The following KHDRBS2 variants were observed in gnomAD, a reference collection of about 807,000 sequenced individuals.
The protein encoded by KHDRBS2 is KH domain-containing, RNA-binding, signal transduction-associated protein 2.
A neutral mutation model predicts 44.3 loss-of-function variants in KHDRBS2; 26 were observed. The observed-to-expected ratio is 0.59, with a 90% CI of 0.43 to 0.81. The LOEUF is 0.81. Ranked by LOEUF, KHDRBS2 falls within the 40% of genes least tolerant of loss-of-function variation. KHDRBS2 has a pLI of 0.00. For synonymous variants in KHDRBS2, 194 were observed against 151.1 expected (o/e 1.28, Z -2.08); for missense variants, 476 against 433.1 (o/e 1.10, Z -0.88).
At chr6:62,218,156 A>C (rs1830328602) in intron 1 of KHDRBS2, among the ~76,000 whole-genome samples, 1 of 151,828 alleles carries the variant, frequency 6.6e-6, no homozygotes, top group Non-Finnish European at 1.5e-5. Context: ...AGAGTAGTCA[A>C]ATGGAAAAAG....
intron 1 of KHDRBS2, among the ~76,000 whole-genome samples, chr6:62,284,698 T>G (rs890915477): frequency 6.6e-6 from 1 of 152,146 alleles, no homozygotes; most frequent in African/African-American, 2.4e-5. Context: ...CCTAATTGTT[T>G]AGTATTTAAA....
chr6:61,864,136 T>TC (rs1797439883), intron 6 of KHDRBS2, among the ~76,000 whole-genome samples: 1 of 151,974 alleles, frequency 6.6e-6, no homozygotes, highest in East Asian at 1.9e-4. Flanking sequence ...TTCCATTTTT[T>TC]CTCCTTCCCT....
At chr6:61,610,297 A>T in the KHDRBS2 span, among the ~76,000 whole-genome samples, 3 of 152,196 alleles carry the variant, frequency 2.0e-5, no homozygotes, top group African/African-American at 7.2e-5. Flanking sequence ...AATCATACCT[A>T]TTTAGCATGG....
the KHDRBS2 span, among the ~76,000 whole-genome samples, chr6:61,645,697 A>G: frequency 2.6e-5 from 4 of 152,176 alleles, no homozygotes; most frequent in African/African-American, 7.2e-5. Flanking sequence ...TGTTGGTCAG[A>G]TACATCTCTG....
chr6:62,263,425 C>T (rs577544437), intron 1 of KHDRBS2, among the ~76,000 whole-genome samples: 9 of 151,558 alleles, frequency 5.9e-5, no homozygotes, highest in Non-Finnish European at 1.3e-4. Context: ...ATAAGAGTTG[C>T]TGCATATTGT....
intron 8 of KHDRBS2, among the ~76,000 whole-genome samples, chr6:61,692,702 C>G (rs1397961337): frequency 6.6e-6 from 1 of 152,066 alleles, no homozygotes; most frequent in Non-Finnish European, 1.5e-5. Context: ...TGGCTTATTT[C>G]AAATCATTTC....
chr6:61,542,897 G>A, the KHDRBS2 span, among the ~76,000 whole-genome samples: 1 of 151,894 alleles, frequency 6.6e-6, no homozygotes, highest in African/African-American at 2.4e-5. Flanking sequence ...ATAAAAAGAA[G>A]ATATGATAAC....
chr6:61,555,034 A>G, the KHDRBS2 span, among the ~76,000 whole-genome samples: 1 of 152,082 alleles, frequency 6.6e-6, no homozygotes, highest in Admixed American at 6.5e-5. Flanking sequence ...CACTTCCTGA[A>G]TTTGAATGTT....
chr6:61,855,490 G>GTA (rs10615944), intron 6 of KHDRBS2, among the ~76,000 whole-genome samples: 23 of 148,994 alleles, frequency 1.5e-4, no homozygotes, highest in East Asian at 6.0e-4. Context: ...GTGTGTATAT[G>GTA]TATATATATA....
intron 1 of KHDRBS2, among the ~76,000 whole-genome samples, chr6:62,206,153 G>T (rs534153661): frequency 5.9e-5 from 9 of 152,194 alleles, no homozygotes; most frequent in Non-Finnish European, 7.4e-5. Flanking sequence ...CTCACTAAAA[G>T]TATCTTCAAC....
chr6:61,795,615 TC>T (rs1785231321), intron 6 of KHDRBS2, among the ~76,000 whole-genome samples: 1 of 152,202 alleles, frequency 6.6e-6, no homozygotes, highest in African/African-American at 2.4e-5. Flanking sequence ...TTATTTCTCT[TC>T]CTTTAATTTC....
At chr6:61,704,228 A>G (rs557891612) in intron 7 of KHDRBS2, among the ~76,000 whole-genome samples, 1 of 152,006 alleles carries the variant, frequency 6.6e-6, no homozygotes, top group Admixed American at 6.6e-5. Flanking sequence ...CTACATATAC[A>G]TACATTCAGT....
chr6:61,969,083 A>G (rs1343725511), intron 4 of KHDRBS2, among the ~76,000 whole-genome samples: 1 of 152,072 alleles, frequency 6.6e-6, no homozygotes, highest in Non-Finnish European at 1.5e-5. Flanking sequence ...ATAGGTATTG[A>G]GATAAAAGCT....
intron 1 of KHDRBS2, among the ~76,000 whole-genome samples, chr6:62,279,460 ATT>A (rs1325074913): frequency 6.6e-6 from 1 of 152,202 alleles, no homozygotes; most frequent in African/African-American, 2.4e-5. Context: ...AGAAACATTT[ATT>A]GAGGCCTTCT....
chr6:61,591,668 T>C, the KHDRBS2 span, among the ~76,000 whole-genome samples: 5 of 152,150 alleles, frequency 3.3e-5, no homozygotes, highest in South Asian at 2.1e-4. Flanking sequence ...CAGAACAGAA[T>C]TGTAAAATCA....
chr6:61,689,397 G>A (rs957628659), intron 8 of KHDRBS2, among the ~76,000 whole-genome samples: 1 of 152,002 alleles, frequency 6.6e-6, no homozygotes, highest in African/African-American at 2.4e-5. Context: ...CCGGTCAGAA[G>A]TAAGAATAGC....
At chr6:62,242,035 T>C (rs1423148570) in intron 1 of KHDRBS2, among the ~76,000 whole-genome samples, 2 of 152,202 alleles carry the variant, frequency 1.3e-5, no homozygotes, top group Non-Finnish European at 2.9e-5. Flanking sequence ...TTCTACTTTG[T>C]AGTCTGTATC....
the KHDRBS2 span, among the ~76,000 whole-genome samples, chr6:61,660,524 T>G: frequency 2.0e-5 from 3 of 151,844 alleles, no homozygotes; most frequent in Non-Finnish European, 4.4e-5. Flanking sequence ...ACTCCCCAGG[T>G]AGTTATTTTA....
chr6:61,559,474 T>C, the KHDRBS2 span, among the ~76,000 whole-genome samples: 1 of 152,126 alleles, frequency 6.6e-6, no homozygotes, highest in African/African-American at 2.4e-5. Context: ...TGTTTTCTGG[T>C]TATTTTGTGG....
Sources: allele counts gnomAD v4.1 joint callset (sites outside exome capture counted in the v4.1 genomes callset), GRCh38; gene constraint gnomAD v4.1.1; transcripts MANE v1.5; gene names NCBI Gene and HGNC (gene_info 2026-07-23, HGNC 2026-07-21).